LYPLAL1: variants seen among roughly 807,000 people sequenced by gnomAD.
LYPLAL1 encodes the protein lysophospholipase like 1, also known as lysophospholipase-like protein 1.
Under a neutral mutation model 19.7 loss-of-function variants are expected in LYPLAL1, and 23 were observed. That is an observed-to-expected ratio of 1.17 (90% CI 0.84 to 1.65). LYPLAL1 has a LOEUF of 1.65. LYPLAL1 is among the 40% of genes most tolerant of loss of function. The probability of loss-of-function intolerance (pLI) is 0.00; values close to 1 mark genes in which losing one functional copy is unlikely to be tolerated. For missense variants in LYPLAL1, 355 were observed against 279.4 expected, an observed-to-expected ratio of 1.27 and a Z score of -1.93; for synonymous variants, 119 against 96.3, an observed-to-expected ratio of 1.24 and a Z score of -1.38.
At chr1:219,307,160 C>A in the LYPLAL1 span, among the ~76,000 whole-genome samples, 4 of 152,132 alleles carry the variant, frequency 2.6e-5, no homozygotes, top group East Asian at 7.7e-4. Context: ...AAGTATGTGG[C>A]AGAGAAAACT....
the LYPLAL1 span, among the ~76,000 whole-genome samples, chr1:219,342,381 A>G: frequency 1.3e-5 from 2 of 152,118 alleles, no homozygotes; most frequent in Non-Finnish European, 2.9e-5. Flanking sequence ...CCTTAGCTCA[A>G]GGTTTCTCTC....
At chr1:219,331,862 T>G in the LYPLAL1 span, among the ~76,000 whole-genome samples, 2 of 152,106 alleles carry the variant, frequency 1.3e-5, no homozygotes, top group Non-Finnish European at 2.9e-5. Flanking sequence ...TCCCTTGACT[T>G]TTACCTGCAC....
At chr1:219,231,400 A>T in the LYPLAL1 span, among the ~76,000 whole-genome samples, 1 of 152,342 alleles carries the variant, frequency 6.6e-6, no homozygotes, top group Middle Eastern at 3.4e-3. Context: ...CATTCTCCGG[A>T]CTAAAAATAT....
the LYPLAL1 span, among the ~76,000 whole-genome samples, chr1:219,363,313 G>T: frequency 6.6e-6 from 1 of 152,160 alleles, no homozygotes; most frequent in East Asian, 1.9e-4. Flanking sequence ...CTTGAAATAT[G>T]CCTAGTAAAC....
chr1:219,436,493 A>G, the LYPLAL1 span, among the ~76,000 whole-genome samples: 72 of 152,138 alleles, frequency 4.7e-4, no homozygotes, highest in Admixed American at 1.4e-3. Context: ...CACTCCACCT[A>G]TTGTACCTAA....
At chr1:219,432,750 T>C in the LYPLAL1 span, among the ~76,000 whole-genome samples, 4 of 152,180 alleles carry the variant, frequency 2.6e-5, no homozygotes, top group Admixed American at 6.5e-5. Flanking sequence ...AGTAGAATAT[T>C]TTCCCTTTTA....
At chr1:219,327,761 G>A in the LYPLAL1 span, among the ~76,000 whole-genome samples, 18 of 152,026 alleles carry the variant, frequency 1.2e-4, no homozygotes, top group Non-Finnish European at 2.2e-4. Flanking sequence ...TAGTAAATAC[G>A]TCTCTTGAGA....
the LYPLAL1 span, among the ~76,000 whole-genome samples, chr1:219,441,787 A>G: frequency 6.6e-6 from 1 of 152,180 alleles, no homozygotes; most frequent in East Asian, 1.9e-4. Flanking sequence ...ATTCCCTCTC[A>G]GGAACTTTTG....
At chr1:219,267,703 G>A in the LYPLAL1 span, among the ~76,000 whole-genome samples, 5 of 152,278 alleles carry the variant, frequency 3.3e-5, no homozygotes, top group Non-Finnish European at 2.9e-5. Context: ...GGCTGCTAGA[G>A]AATAAGCTTC....
the LYPLAL1 span, among the ~76,000 whole-genome samples, chr1:219,347,748 A>T: frequency 6.6e-6 from 1 of 152,168 alleles, no homozygotes; most frequent in Non-Finnish European, 1.5e-5. Context: ...AGAAATAATG[A>T]ATTCAACTTT....
At chr1:219,197,950 T>G (rs1214508945) in intron 3 of LYPLAL1, among the ~76,000 whole-genome samples, 1 of 152,126 alleles carries the variant, frequency 6.6e-6, no homozygotes, top group Non-Finnish European at 1.5e-5. Flanking sequence ...CCAGCCAGAT[T>G]GCCCATAAAC....
chr1:219,443,455 T>A, the LYPLAL1 span, among the ~76,000 whole-genome samples: 1 of 152,224 alleles, frequency 6.6e-6, no homozygotes, highest in Non-Finnish European at 1.5e-5. Context: ...ATGTGATAAC[T>A]TTTTAACATC....
chr1:219,380,191 A>G, the LYPLAL1 span, among the ~76,000 whole-genome samples: 2 of 152,220 alleles, frequency 1.3e-5, no homozygotes, highest in Non-Finnish European at 2.9e-5. Flanking sequence ...TGAGGAGAAG[A>G]ATCTGAAACA....
chr1:219,352,283 C>G, the LYPLAL1 span, among the ~76,000 whole-genome samples: 2 of 152,188 alleles, frequency 1.3e-5, no homozygotes, highest in East Asian at 3.9e-4. Flanking sequence ...GTAATCCCAG[C>G]ACTTTGGGAG....
the LYPLAL1 span, chr1:219,442,768 C>G: frequency 6.6e-6 from 1 of 152,180 alleles, no homozygotes; most frequent in Non-Finnish European, 1.5e-5. Context: ...CTGAGCCAAT[C>G]TCGCCCTATG....
chr1:219,219,790 CTT>C, the LYPLAL1 span, among the ~76,000 whole-genome samples: 1 of 152,054 alleles, frequency 6.6e-6, no homozygotes, highest in African/African-American at 2.4e-5. Flanking sequence ...AGCTGGGGCT[CTT>C]TTTTGCTATT....
chr1:219,183,822 T>G (rs1219618273), intron 2 of LYPLAL1, among the ~76,000 whole-genome samples: 4 of 152,062 alleles, frequency 2.6e-5, no homozygotes, highest in African/African-American at 9.6e-5. Flanking sequence ...TGTTTATTTA[T>G]CTACTGTTGT....
At chr1:219,321,326 C>T in the LYPLAL1 span, among the ~76,000 whole-genome samples, 4 of 151,946 alleles carry the variant, frequency 2.6e-5, no homozygotes, top group African/African-American at 4.8e-5. Context: ...AATTCTTTGT[C>T]GATTCTGGAT....
the LYPLAL1 span, among the ~76,000 whole-genome samples, chr1:219,428,452 G>C: frequency 1.3e-5 from 2 of 152,212 alleles, no homozygotes; most frequent in African/African-American, 4.8e-5. Flanking sequence ...CAGTTAAAGT[G>C]TTGTAGAAAA....
Sources: allele counts gnomAD v4.1 joint callset (sites outside exome capture counted in the v4.1 genomes callset), GRCh38; gene constraint gnomAD v4.1.1; transcripts MANE v1.5; gene names NCBI Gene and HGNC (gene_info 2026-07-23, HGNC 2026-07-21).